Variants in SUGCT observed in about 807,000 individuals in gnomAD.
SUGCT encodes the protein succinyl-CoA:glutarate-CoA transferase, also known as succinyl-CoA:glutarate CoA-transferase.
A neutral mutation model predicts 55.0 loss-of-function variants in SUGCT; 41 were observed. The observed-to-expected ratio is 0.74, with a 90% CI of 0.58 to 0.97. SUGCT has a LOEUF of 0.97. Among genes scored for constraint, SUGCT ranks in the 50% least tolerant of loss-of-function variants. The pLI, the probability that SUGCT is intolerant of heterozygous loss-of-function variation, is 0.00. For synonymous variants in SUGCT, 187 were observed against 200.4 expected (o/e 0.93, Z 0.56); for missense variants, 568 against 547.8 (o/e 1.04, Z -0.37).
chr7:40,948,613 C>T, the SUGCT span, among the ~76,000 whole-genome samples: 1 of 151,676 alleles, frequency 6.6e-6, no homozygotes, highest in Non-Finnish European at 1.5e-5. Context: ...CTTTCCCCCA[C>T]CCGCCGACAG....
At chr7:40,766,451 C>T (rs887971378) in intron 13 of SUGCT, among the ~76,000 whole-genome samples, 1 of 152,146 alleles carries the variant, frequency 6.6e-6, no homozygotes, top group East Asian at 1.9e-4. Flanking sequence ...CTCAGGTGAT[C>T]CACCTGCCTC....
intron 12 of SUGCT, among the ~76,000 whole-genome samples, chr7:40,628,987 T>G (rs1393328710): frequency 6.6e-6 from 1 of 152,036 alleles, no homozygotes; most frequent in Non-Finnish European, 1.5e-5. Context: ...GGTGATAGGA[T>G]TTACTCTGTT....
the SUGCT span, among the ~76,000 whole-genome samples, chr7:40,866,271 C>T: frequency 6.6e-6 from 1 of 152,218 alleles, no homozygotes; most frequent in East Asian, 1.9e-4. Context: ...TGAGATGTGG[C>T]AACACGCATA....
chr7:40,591,333 C>G (rs1056222626), intron 12 of SUGCT, among the ~76,000 whole-genome samples: 1 of 152,070 alleles, frequency 6.6e-6, no homozygotes, highest in Non-Finnish European at 1.5e-5. Context: ...AGAAGTGGAG[C>G]CTGAAGATGT....
intron 13 of SUGCT, among the ~76,000 whole-genome samples, chr7:40,753,649 A>G (rs921118291): frequency 5.3e-5 from 8 of 152,214 alleles, no homozygotes; most frequent in African/African-American, 1.9e-4. Flanking sequence ...AGTCATTACC[A>G]GAAACTTGTC....
intron 12 of SUGCT, among the ~76,000 whole-genome samples, chr7:40,690,413 C>G (rs550648901): frequency 6.6e-6 from 1 of 152,066 alleles, no homozygotes; most frequent in Non-Finnish European, 1.5e-5. Context: ...TTACTTCTTC[C>G]CTATGCCTAA....
chr7:40,758,281 A>T (rs1017416191), intron 13 of SUGCT, among the ~76,000 whole-genome samples: 2 of 149,216 alleles, frequency 1.3e-5, no homozygotes, highest in African/African-American at 4.9e-5. Context: ...ATTTCATGGA[A>T]TTTTTTTTTT....
At chr7:40,780,776 T>C (rs1584431397) in intron 13 of SUGCT, among the ~76,000 whole-genome samples, 1 of 49,744 alleles carries the variant, frequency 2.0e-5, no homozygotes, top group Admixed American at 2.6e-4. Context: ...CTTCTTCTTC[T>C]TTTTTTTTTT....
chr7:40,248,787 C>G (rs1257548012), intron 7 of SUGCT, among the ~76,000 whole-genome samples: 3 of 151,882 alleles, frequency 2.0e-5, no homozygotes, highest in African/African-American at 7.3e-5. Context: ...ATTTTATACT[C>G]CTGTCAGCAA....
chr7:40,621,151 T>C (rs778158471), intron 12 of SUGCT, among the ~76,000 whole-genome samples: 69 of 152,292 alleles, frequency 4.5e-4, no homozygotes, highest in Non-Finnish European at 9.0e-4. Flanking sequence ...TATTTGTATA[T>C]ACATATATGT....
intron 13 of SUGCT, among the ~76,000 whole-genome samples, chr7:40,789,896 A>G (rs1222188402): frequency 4.6e-5 from 7 of 152,164 alleles, no homozygotes; most frequent in African/African-American, 1.7e-4. Flanking sequence ...GGGGAGTCTC[A>G]GAAGGGTTAG....
chr7:40,376,605 T>C (rs1406280385), intron 9 of SUGCT, among the ~76,000 whole-genome samples: 1 of 152,114 alleles, frequency 6.6e-6, no homozygotes, highest in African/African-American at 2.4e-5. Context: ...TTGGCCAGAC[T>C]GGTTTCAAAC....
Position 40,301,084 on chromosome 7 carries a change from TG to T in SUGCT, c.721-15673del, listed in dbSNP as rs201435433. ...TGTATCCCTCAACTCCTCATGTCACTGGGTATTATTATTATAATCTCAGCAT... is the reference window on the plus strand; with the variant it reads ...TGTATCCCTCAACTCCTCATGTCACTGGTATTATTATTATAATCTCAGCAT... On this transcript the variant is annotated intron_variant, in intron 8 of 13. Transcript: ENST00000335693. Among the ~76,000 whole-genome samples the T allele has an allele frequency of 5.3e-5, 8 of 152,352 alleles. No homozygotes were observed. The East Asian group carries it at 1.3e-3, about 26-fold the overall frequency.
chr7:40,761,576 C>T (rs1788534770), intron 13 of SUGCT, among the ~76,000 whole-genome samples: 1 of 152,178 alleles, frequency 6.6e-6, no homozygotes, highest in Non-Finnish European at 1.5e-5. Flanking sequence ...ATTTTCTTTA[C>T]TTTGACATTT....
At chr7:40,376,945 T>C (rs1349736056) in intron 9 of SUGCT, among the ~76,000 whole-genome samples, 2 of 151,636 alleles carry the variant, frequency 1.3e-5, no homozygotes, top group Admixed American at 1.3e-4. Flanking sequence ...TTTATATATT[T>C]TTTCCCCCAG....
chr7:40,597,953 C>T (rs549571303), intron 12 of SUGCT, among the ~76,000 whole-genome samples: 10 of 150,916 alleles, frequency 6.6e-5, no homozygotes, highest in South Asian at 6.3e-4. Context: ...TTAGTTTCTC[C>T]GAAAAAAAAA....
At chr7:40,595,034 T>C (rs193302363) in intron 12 of SUGCT, among the ~76,000 whole-genome samples, 1 of 152,306 alleles carries the variant, frequency 6.6e-6, no homozygotes, top group Non-Finnish European at 1.5e-5. Context: ...AAAAAAGAGG[T>C]TGCATAAGAC....
At chr7:40,606,835 A>G (rs1182111780) in intron 12 of SUGCT, among the ~76,000 whole-genome samples, 4 of 152,206 alleles carry the variant, frequency 2.6e-5, no homozygotes, top group African/African-American at 7.2e-5. Flanking sequence ...GGATTAAGTT[A>G]TATACATGAT....
rs150871805 is a variant in SUGCT at position 40,347,563 on chromosome 7, G to A, written c.816+30708G>A. 2.6e-5 allele frequency among the ~76,000 whole-genome samples: 4 copies of A among 152,298 alleles called. No homozygotes were observed. The East Asian group carries it at 7.7e-4, about 29-fold the overall frequency. ...TTGAAGAAAAATTGTTAAGCACAAA[G>A]ATACTAGAGTTAGAGATTTGAAAAA... On this transcript the variant is annotated intron_variant, in intron 9 of 13. Transcript: ENST00000335693.
Sources: gnomAD v4.1 joint callset for allele counts (sites outside exome capture counted in the v4.1 genomes callset) on GRCh38, gnomAD v4.1.1 for gene constraint, MANE v1.5 for transcripts, NCBI Gene and HGNC (gene_info 2026-07-23, HGNC 2026-07-21) for gene names.